RASGRP3: variants seen among roughly 807,000 people sequenced by gnomAD.
The protein encoded by RASGRP3 is ras guanyl-releasing protein 3.
A neutral mutation model predicts 82.7 loss-of-function variants in RASGRP3; 54 were observed. That is an observed-to-expected ratio of 0.65 (90% CI 0.52 to 0.82). The LOEUF is 0.82. RASGRP3 is among the 40% of genes least tolerant of loss of function. The probability of loss-of-function intolerance (pLI) is 0.00; values close to 1 mark genes in which losing one functional copy is unlikely to be tolerated. For synonymous variants in RASGRP3, 309 were observed against 300.5 expected (o/e 1.03, Z -0.29); for missense variants, 861 against 828.9 (o/e 1.04, Z -0.48).
At chr2:33,523,567 A>G (rs769150875) in intron 7 of RASGRP3, among the ~76,000 whole-genome samples, 1 of 152,092 alleles carries the variant, frequency 6.6e-6, no homozygotes, top group Admixed American at 6.6e-5. Flanking sequence ...GCCACAGGTG[A>G]ATCTTATCAC....
chr2:33,535,105 A>G (rs1574448231), intron 11 of RASGRP3, among the ~76,000 whole-genome samples: 1 of 152,326 alleles, frequency 6.6e-6, no homozygotes, highest in Middle Eastern at 3.4e-3. Context: ...TTAGATTTAA[A>G]ATTTTAAACA....
At chr2:33,443,919 C>A (rs1016149243) in intron 1 of RASGRP3, among the ~76,000 whole-genome samples, 12 of 151,924 alleles carry the variant, frequency 7.9e-5, no homozygotes, top group African/African-American at 2.7e-4. Flanking sequence ...AAAATGTGAG[C>A]CACTAATGTG....
intron 1 of RASGRP3, among the ~76,000 whole-genome samples, chr2:33,446,493 T>A (rs1003584629): frequency 3.8e-3 from 2 of 524 alleles, no homozygotes; most frequent in African/African-American, 6.6e-3. Context: ...TTTTTTGGAT[T>A]TTTTTTTTTT....
intron 2 of RASGRP3, among the ~76,000 whole-genome samples, chr2:33,449,845 T>G (rs1343689457): frequency 6.6e-6 from 1 of 152,238 alleles, no homozygotes; most frequent in Non-Finnish European, 1.5e-5. Flanking sequence ...TTGACCATTA[T>G]GCATTTTAGT....
chr2:33,523,201 C>T (rs923246939), intron 7 of RASGRP3, among the ~76,000 whole-genome samples: 4 of 152,030 alleles, frequency 2.6e-5, no homozygotes, highest in South Asian at 2.1e-4. Flanking sequence ...TGGCCGGGCG[C>T]GCCTTTAATC....
chr2:33,524,178 T>C lies in RASGRP3; in HGVS notation c.690+126T>C, dbSNP rs923714322. The C allele has an allele frequency of 6.1e-6, 7 of 1,149,014 alleles. No individual in the cohort carries two copies. In the East Asian group the frequency reaches 1.2e-4, roughly 19 times the overall value. 71.2% of individuals were successfully genotyped at this position (1,149,014 alleles called of 1,614,324 possible). On this transcript the variant is annotated intron_variant, in intron 8 of 17. Coordinates refer to ENST00000403687, the MANE Select transcript of RASGRP3 (RefSeq NM_001139488.2). ...CGGACAACTAAACTACTCGCTGATA[T>C]CTAATGAACAAATCGTATTTTTGTC...
At chr2:33,440,656 G>T (rs982099159) in intron 1 of RASGRP3, among the ~76,000 whole-genome samples, 2 of 152,142 alleles carry the variant, frequency 1.3e-5, no homozygotes, top group African/African-American at 4.8e-5. Context: ...TTTATACCCA[G>T]AGGTTTTCCT....
intron 1 of RASGRP3, among the ~76,000 whole-genome samples, chr2:33,503,825 A>C (rs1258489362): frequency 6.6e-6 from 1 of 152,242 alleles, no homozygotes; most frequent in Non-Finnish European, 1.5e-5. Flanking sequence ...TATATATACA[A>C]AGTTAGCGTC....
In RASGRP3 at chr2:33,520,701, C is replaced by T. The variant is rs547864724; in HGVS notation, c.368+17C>T. 3.2e-5 allele frequency: 52 copies of T among 1,613,336 alleles called. No individual in the cohort carries two copies. In the South Asian group the frequency reaches 3.6e-4, roughly 11 times the overall value. On this transcript the variant is annotated intron_variant, in intron 6 of 17. Transcript: ENST00000403687. ...ATCCAGCATGTAAGAGTGGCACCGA[C>T]GTCTTTCACACCCAATAAGTCCACC...
chr2:33,496,001 TA>T (rs1669272305), intron 1 of RASGRP3, among the ~76,000 whole-genome samples: 1 of 152,202 alleles, frequency 6.6e-6, no homozygotes, highest in Admixed American at 6.5e-5. Context: ...ACTGGATTTT[TA>T]AAGTAAAGGT....
At chr2:33,502,496 T>A (rs1458437070) in intron 1 of RASGRP3, among the ~76,000 whole-genome samples, 1 of 127,954 alleles carries the variant, frequency 7.8e-6, no homozygotes, top group Non-Finnish European at 1.6e-5. Flanking sequence ...TTTCTTTTTT[T>A]CTTTCTTTTT....
rs115820684 is a variant in RASGRP3, at chr2:33,535,187, G to T, written c.1161+787G>T. Among the ~76,000 whole-genome samples, 899 of 152,288 alleles carry T rather than the reference G, an allele frequency of 5.9e-3. 9 individuals carry two copies. Among genetic ancestry groups the T allele is most frequent in the African/African-American group, 0.02 (850 of 41,534 alleles). ...CAGAATTTGGATGTCACATTGGATGGTGTCTCACTTAATAGATGGCAGACG... is the reference window on the plus strand; with the variant it reads ...CAGAATTTGGATGTCACATTGGATGTTGTCTCACTTAATAGATGGCAGACG... On this transcript the variant is annotated intron_variant, in intron 11 of 17. Coordinates refer to ENST00000403687, the MANE Select transcript of RASGRP3 (RefSeq NM_001139488.2).
At position 33,511,759 on chromosome 2, in the gene RASGRP3, T is replaced by C. The variant is rs1670949191; in HGVS notation, c.-211T>C. 2.0e-5 allele frequency: 3 copies of C among 152,674 alleles called. No individual in the cohort carries two copies. Among genetic ancestry groups the C allele is most frequent in the African/African-American group, 7.2e-5 (3 of 41,468 alleles). 9.5% of individuals were successfully genotyped at this position (152,674 alleles called of 1,614,324 possible). A position where few individuals can be genotyped will look rare whatever the true frequency, so the allele number is the denominator to read the frequency against. On this transcript the variant is annotated 5_prime_UTR_variant, in exon 2 of 18. Transcript: ENST00000403687. ...GGTTGAATAAACCAGTTCTACAGAC[T>C]GCTTCTTCCATGCATTTCCCAATGA...
Position 33,534,322 on chromosome 2 carries a change from G to C in RASGRP3, c.1084-1G>C. The C allele has an allele frequency of 6.4e-7, 1 of 1,555,646 alleles. No homozygotes were observed. The highest frequency in any genetic ancestry group is 8.9e-7 in the Non-Finnish European group (1 of 1,128,814). On this transcript the variant is annotated splice_acceptor_variant, in intron 10 of 17. Coordinates refer to ENST00000403687, the MANE Select transcript of RASGRP3 (RefSeq NM_001139488.2). LOFTEE classifies it high-confidence loss of function. ...TTTTATCCCTTCTAATTTTGTTGTAGCTTTCCCTGGACCTCTATCACACTG... is the reference window on the plus strand; with the variant it reads ...TTTTATCCCTTCTAATTTTGTTGTACCTTTCCCTGGACCTCTATCACACTG...
chr2:33,469,056 A>G (rs1402272431), intron 2 of RASGRP3, among the ~76,000 whole-genome samples: 1 of 152,212 alleles, frequency 6.6e-6, no homozygotes, highest in African/African-American at 2.4e-5. Flanking sequence ...AAGTTTATAG[A>G]TAATAAATTG....
intron 14 of RASGRP3, among the ~76,000 whole-genome samples, chr2:33,550,674 T>C (rs765600308): frequency 7.2e-5 from 11 of 152,178 alleles, no homozygotes; most frequent in Non-Finnish European, 1.5e-4. Flanking sequence ...CAGAGCTCAG[T>C]CGTGTTAGCT....
chr2:33,484,253 A>G (rs919338182), intron 1 of RASGRP3, among the ~76,000 whole-genome samples: 1 of 152,236 alleles, frequency 6.6e-6, no homozygotes, highest in African/African-American at 2.4e-5. Context: ...GCCACACTCT[A>G]ACAACTTGCT....
At chr2:33,461,708 C>G (rs1666377579) in intron 2 of RASGRP3, among the ~76,000 whole-genome samples, 3 of 152,210 alleles carry the variant, frequency 2.0e-5, no homozygotes, top group Non-Finnish European at 4.4e-5. Flanking sequence ...GCTATGGATT[C>G]CCAGGAAGCC....
rs1671927111 is a variant in RASGRP3, at chr2:33,520,555, A to G, written c.239A>G (p.Tyr80Cys). 1 of 1,613,808 alleles carries G rather than the reference A, an allele frequency of 6.2e-7. No individual in the cohort carries two copies. Among genetic ancestry groups the G allele is most frequent in the South Asian group, 1.1e-5 (1 of 91,054 alleles). ...FRLKICYFMR[Y>C]WILKFPAEFN... ...CAAAAATATTTGATGCCTTTCAGGTACTGGATTCTGAAGTTTCCTGCAGAG... is the reference window on the plus strand; with the variant it reads ...CAAAAATATTTGATGCCTTTCAGGTGCTGGATTCTGAAGTTTCCTGCAGAG... The change falls in exon 6 of 18, where the codon TAC becomes TGC. Residue 80 changes from tyrosine (Y) to cysteine (C), a missense_variant and splice_region_variant. Transcript: ENST00000403687.
Sources: allele counts gnomAD v4.1 joint callset (sites outside exome capture counted in the v4.1 genomes callset), GRCh38; gene constraint gnomAD v4.1.1; transcripts MANE v1.5; gene names NCBI Gene and HGNC (gene_info 2026-07-23, HGNC 2026-07-21).